The following GBGT1 variants were observed in gnomAD, a reference collection of about 807,000 sequenced individuals.
GBGT1 encodes globoside alpha-1,3-N-acetylgalactosaminyltransferase 1.
GBGT1 carries 18 observed loss-of-function variants against 20.9 expected under a neutral mutation model. That is an observed-to-expected ratio of 0.86 (90% CI 0.60 to 1.28). GBGT1 has a LOEUF of 1.28. GBGT1 is among the 50% of genes most tolerant of loss of function. The pLI is 0.00. For synonymous variants in GBGT1, 168 were observed against 180.8 expected (o/e 0.93, Z 0.57); for missense variants, 432 against 455.7 (o/e 0.95, Z 0.47).
chr9:133,156,964 G>A (rs975844273), intron 3 of GBGT1, among the ~76,000 whole-genome samples: 1 of 152,126 alleles, frequency 6.6e-6, no homozygotes. Flanking sequence ...GGGTGGGACC[G>A]ATCCAATTGG....
Position 133,153,474 on chromosome 9 carries a change from C to T in GBGT1, c.*103G>A. 2 of 821,184 alleles carry T rather than the reference C, an allele frequency of 2.4e-6. No individual in the cohort carries two copies. The highest frequency in any genetic ancestry group is 1.9e-5 in the South Asian group (1 of 52,146). 50.9% of individuals were successfully genotyped at this position (821,184 alleles called of 1,614,324 possible). A position where few individuals can be genotyped will look rare whatever the true frequency, so the allele number is the denominator to read the frequency against. On this transcript the variant is annotated 3_prime_UTR_variant, in exon 7 of 7. Coordinates refer to ENST00000372040, the MANE Select transcript of GBGT1 (RefSeq NM_021996.6). ...CACGTCCCTTTTCCGGTTGAATTCGCCTGACTGACAGGGAGGCGGGACAGG... is the reference window on the plus strand; with the variant it reads ...CACGTCCCTTTTCCGGTTGAATTCGTCTGACTGACAGGGAGGCGGGACAGG...
intron 3 of GBGT1, among the ~76,000 whole-genome samples, chr9:133,157,287 C>CAAAAA (rs71503325): frequency 6.4e-5 from 5 of 77,904 alleles, no homozygotes; most frequent in South Asian, 4.4e-4. Context: ...GACCCTGTCT[C>CAAAAA]AAAAAAAAAA....
intron 3 of GBGT1, among the ~76,000 whole-genome samples, chr9:133,156,364 G>T (rs4962095): frequency 0.58 from 87,658 of 151,970 alleles, 26,243 homozygotes; most frequent in African/African-American, 0.74. Context: ...GAAAGAAGAT[G>T]TGAAAACCTG....
chr9:133,156,139 A>C (rs1158454137), intron 3 of GBGT1, 74 bp from the exon 4 acceptor site: 6 of 1,557,302 alleles, frequency 3.9e-6, no homozygotes, highest in Non-Finnish European at 5.3e-6. Flanking sequence ...AAGAAGGAGG[A>C]GTCAGAGGCC....
intron 3 of GBGT1, among the ~76,000 whole-genome samples, chr9:133,158,489 GC>G (rs897657290): frequency 2.6e-5 from 4 of 152,030 alleles, no homozygotes; most frequent in African/African-American, 9.7e-5. Context: ...TCACCATGTT[GC>G]CCAGGCTGGT....
chr9:133,161,065 T>C lies in GBGT1; in HGVS notation c.137+402A>G, dbSNP rs1833028646. On this transcript the variant is annotated intron_variant, in intron 3 of 6. Coordinates refer to ENST00000372040, the MANE Select transcript of GBGT1 (RefSeq NM_021996.6). ...AGGAGGACTTTGGTCACATGTTCAT[T>C]TGTTCCTTGAATCCATGGAACACAA... 4 of 396,836 alleles carry C rather than the reference T, an allele frequency of 1.0e-5. No homozygotes were observed. The East Asian group carries it at 1.4e-4, about 14-fold the overall frequency. The allele number at this position is 396,836 out of a possible 1,614,324, so 24.6% of individuals were successfully genotyped here.
chr9:133,163,198 C>T (rs1249170572), intron 1 of GBGT1: 2 of 152,352 alleles, frequency 1.3e-5, no homozygotes, highest in African/African-American at 2.4e-5. Flanking sequence ...AGTCCCAGCG[C>T]AGGATGCGCG....
chr9:133,153,774 T>C lies in GBGT1; in HGVS notation c.847A>G (p.Ile283Val), dbSNP rs957419649. 2 of 1,608,524 alleles carry C rather than the reference T, an allele frequency of 1.2e-6. No homozygotes were observed. The highest frequency in any genetic ancestry group is 1.3e-5 in the African/African-American group (1 of 74,832). Residue 283 changes from isoleucine (I) to valine (V), a missense_variant, in exon 7 of 7, where the codon ATC (isoleucine) becomes GTC (valine). Coordinates refer to ENST00000372040, the MANE Select transcript of GBGT1 (RefSeq NM_021996.6). ...YEFTRGCHMAILADKANGIMA... is the reference protein window; with the variant it reads ...YEFTRGCHMAVLADKANGIMA... ...ATGCCATTGGCCTTGTCCGCCAGGATGGCCATGTGGCAGCCCCTAGTAAAC... is the reference window on the plus strand; with the variant it reads ...ATGCCATTGGCCTTGTCCGCCAGGACGGCCATGTGGCAGCCCCTAGTAAAC...
chr9:133,155,341 G>C (rs759712347), intron 5 of GBGT1, 29 bp from the exon 6 acceptor site: 1 of 1,612,926 alleles, frequency 6.2e-7, no homozygotes, highest in Non-Finnish European at 8.5e-7. Flanking sequence ...TGGGCACTGA[G>C]ACCCTCCCCT....
intron 3 of GBGT1, among the ~76,000 whole-genome samples, chr9:133,160,617 G>T (rs964832462): frequency 4.6e-5 from 7 of 152,188 alleles, no homozygotes; most frequent in Admixed American, 1.3e-4. Context: ...CTAACTGAGA[G>T]CCCTGGGAAA....
At chr9:133,159,107 T>A (rs569895574) in intron 3 of GBGT1, among the ~76,000 whole-genome samples, 21 of 152,110 alleles carry the variant, frequency 1.4e-4, no homozygotes, top group Admixed American at 7.9e-4. Flanking sequence ...ACTACAGGTG[T>A]GTGCCACCAC....
Position 133,162,544 on chromosome 9 carries a change from C to T in GBGT1, c.-120-12G>A. 1 of 722,058 alleles carries T rather than the reference C, an allele frequency of 1.4e-6. No homozygotes were observed. Among genetic ancestry groups the T allele is most frequent in the Non-Finnish European group, 2.5e-6 (1 of 407,238 alleles). The allele number at this position is 722,058 out of a possible 1,614,324, so 44.7% of individuals were successfully genotyped here. On this transcript the variant is annotated splice_polypyrimidine_tract_variant and intron_variant, in intron 1 of 6. Transcript: ENST00000372040. ...GGTCCCAGGAACACCTGCAAAGGAA[C>T]ACTTTTGTTGTTTTGAGATAGAGTT...
chr9:133,153,767 G>C lies in GBGT1; in HGVS notation c.854C>G (p.Ala285Gly), dbSNP rs756020558. The C allele has an allele frequency of 1.9e-6, 3 of 1,609,576 alleles. No individual in the cohort carries two copies. The Admixed American group carries it at 5.0e-5, about 27-fold the overall frequency. ...AGCCATGATGCCATTGGCCTTGTCC[G>C]CCAGGATGGCCATGTGGCAGCCCCT... ...FTRGCHMAIL[A>G]DKANGIMAAW... The change falls in exon 7 of 7, where the codon GCG becomes GGG. Residue 285 changes from alanine (A) to glycine (G), a missense_variant. Ala to Gly is a moderately conservative substitution (Grantham distance 60). Transcript: ENST00000372040.
intron 3 of GBGT1, chr9:133,160,281 T>TATTATAATA (rs145838285): frequency 2.8e-5 from 4 of 144,078 alleles, no homozygotes; most frequent in African/African-American, 5.1e-5. Context: ...TCTGTCTCAA[T>TATTATAATA]ATAATAATAA....
Position 133,155,936 on chromosome 9 carries a change from C to T in GBGT1, c.189G>A (p.Trp63Ter), listed in dbSNP as rs373328427. Residue 63 changes from tryptophan (W) to a stop codon, truncating the protein, a stop_gained and splice_region_variant, in exon 5 of 7, where the codon TGG becomes TGA. Coordinates refer to ENST00000372040, the MANE Select transcript of GBGT1 (RefSeq NM_021996.6). LOFTEE classifies it high-confidence loss of function. The part of the protein sequence containing the change: ...KREKPLQPVV[W>*]SQYPQPKLLE... ...GCAGCTTGGGCTGAGGGTACTGTGA[C>T]CTGCAACCAAGAAGGACCAGTGATG... 9.9e-5 allele frequency: 159 copies of T among 1,614,086 alleles called. No homozygotes were observed. Among genetic ancestry groups the T allele is most frequent in the Non-Finnish European group, 1.3e-4 (148 of 1,180,046 alleles).
In GBGT1 at chr9:133,153,318, G is replaced by C. The variant is rs1832758833; in HGVS notation, c.*259C>G. On this transcript the variant is annotated 3_prime_UTR_variant, in exon 7 of 7. Transcript: ENST00000372040. ...CCGCAAAGGCACGGCTGCAGAACGT[G>C]GCAAGCCTGCCGGGCCCTGCCTTTG... 8.3e-6 allele frequency: 3 copies of C among 360,660 alleles called. No homozygotes were observed. Among genetic ancestry groups the C allele is most frequent in the Non-Finnish European group, 1.5e-5 (3 of 201,406 alleles). The allele number at this position is 360,660 out of a possible 1,614,324, so 22.3% of individuals were successfully genotyped here.
chr9:133,155,831 C>T (rs1832854022), intron 5 of GBGT1, 70 bp downstream of exon 5: 2 of 1,533,306 alleles, frequency 1.3e-6, no homozygotes, highest in Non-Finnish European at 1.8e-6. Context: ...ACCTCCACTA[C>T]CCCACCTTAT....
chr9:133,158,452 A>G (rs1832939764), intron 3 of GBGT1, among the ~76,000 whole-genome samples: 1 of 151,866 alleles, frequency 6.6e-6, no homozygotes, highest in Non-Finnish European at 1.5e-5. Context: ...CTGTTTTTGT[A>G]TTAATATTTT....
Position 133,153,653 on chromosome 9 carries a change from C to T in GBGT1, c.968G>A (p.Arg323Lys). Residue 323 changes from arginine to lysine, a missense_variant, in exon 7 of 7, where the codon AGG becomes AAG. Arg to Lys is a conservative substitution (Grantham distance 26). Coordinates refer to ENST00000372040, the MANE Select transcript of GBGT1 (RefSeq NM_021996.6). ...VLSPEYLWDD[R>K]KPQPPSLKLI... ...CTTCAGGCTGGGTGGCTGGGGCTTC[C>T]TGTCGTCCCAGAGGTACTCGGGGGA... 1 of 1,609,944 alleles carries T rather than the reference C, an allele frequency of 6.2e-7. No homozygotes were observed. The highest frequency in any genetic ancestry group is 1.1e-5 in the South Asian group (1 of 90,622).
Sources: gnomAD v4.1 joint callset for allele counts (sites outside exome capture counted in the v4.1 genomes callset) on GRCh38, gnomAD v4.1.1 for gene constraint, MANE v1.5 for transcripts, NCBI Gene and HGNC (gene_info 2026-07-23, HGNC 2026-07-21) for gene names.